The following PLXNA4 variants were observed in gnomAD, a reference collection of about 807,000 sequenced individuals.
PLXNA4 encodes the protein plexin A4.
Under a neutral mutation model 191.8 loss-of-function variants are expected in PLXNA4, and 44 were observed. That is an observed-to-expected ratio of 0.23 (90% CI 0.18 to 0.29). The LOEUF is 0.29. Ranked by LOEUF, PLXNA4 falls within the 10% of genes least tolerant of loss-of-function variation. The pLI is 1.00. For missense variants in PLXNA4, 1,800 were observed against 2,488.8 expected (o/e 0.72, Z 5.89); for synonymous variants, 1,082 against 1,009.5 (o/e 1.07, Z -1.36).
rs536122575 is a variant in PLXNA4, at chr7:132,510,279, G to A, written c.-86-1500C>T. Among the ~76,000 whole-genome samples, 12 of 152,312 alleles carry A rather than the reference G, an allele frequency of 7.9e-5. No individual in the cohort carries two copies. The East Asian group carries it at 9.7e-4, about 12-fold the overall frequency. ...GAAAATTCCCCAGCAGGGAGCAAAC[G>A]CTAGGTCAGATGGAAACCAAGAGAA... On this transcript the variant is annotated intron_variant, in intron 1 of 31. Coordinates refer to ENST00000321063, the MANE Select transcript of PLXNA4 (RefSeq NM_020911.2).
intron 3 of PLXNA4, among the ~76,000 whole-genome samples, chr7:132,423,951 C>T (rs1447915638): frequency 3.3e-5 from 5 of 152,186 alleles, no homozygotes; most frequent in Non-Finnish European, 5.9e-5. Context: ...TTGAACCAGG[C>T]GGGGCTGCAT....
At chr7:132,235,215 G>A (rs1798658569) in intron 5 of PLXNA4, among the ~76,000 whole-genome samples, 1 of 152,212 alleles carries the variant, frequency 6.6e-6, no homozygotes, top group African/African-American at 2.4e-5. Context: ...CACAGTCGAG[G>A]CCCTTTGGGC....
chr7:132,641,896 C>T (rs1196896853), intron 2 of PLXNA4, among the ~76,000 whole-genome samples: 1 of 152,164 alleles, frequency 6.6e-6, no homozygotes, highest in African/African-American at 2.4e-5. Context: ...GGCTGTCCAG[C>T]CCACAGCATC....
chr7:132,544,533 T>TA (rs1198500678), intron 1 of PLXNA4, among the ~76,000 whole-genome samples: 4 of 151,876 alleles, frequency 2.6e-5, no homozygotes, highest in Non-Finnish European at 5.9e-5. Context: ...GAAATAGACT[T>TA]AAGTGTGCAG....
chr7:132,141,188 T>G (rs1339215634), intron 29 of PLXNA4, among the ~76,000 whole-genome samples: 3 of 152,182 alleles, frequency 2.0e-5, no homozygotes, highest in African/African-American at 7.2e-5. Context: ...CTAAGCCTGG[T>G]ACAAGAGCAT....
At chr7:132,143,214 G>C (rs926787634) in intron 29 of PLXNA4, among the ~76,000 whole-genome samples, 1 of 152,160 alleles carries the variant, frequency 6.6e-6, no homozygotes, top group African/African-American at 2.4e-5. Context: ...AAAATTCCCA[G>C]ACTGTGTCTT....
chr7:132,134,374 C>T (rs1358143714), intron 30 of PLXNA4, among the ~76,000 whole-genome samples: 3 of 152,154 alleles, frequency 2.0e-5, no homozygotes, highest in Non-Finnish European at 2.9e-5. Flanking sequence ...TGAAGACTGG[C>T]AGAGATGGTT....
chr7:132,512,025 C>A (rs1798732367), intron 1 of PLXNA4, among the ~76,000 whole-genome samples: 1 of 152,204 alleles, frequency 6.6e-6, no homozygotes, highest in Admixed American at 6.5e-5. Context: ...TGAATTCACT[C>A]CAGCAGCTGC....
chr7:132,243,972 G>T (rs1360827355), intron 4 of PLXNA4, among the ~76,000 whole-genome samples: 1 of 151,844 alleles, frequency 6.6e-6, no homozygotes, highest in African/African-American at 2.4e-5. Flanking sequence ...GCCATTCATT[G>T]CTCCACACTT....
intron 3 of PLXNA4, among the ~76,000 whole-genome samples, chr7:132,437,777 CAT>C (rs1795532712): frequency 6.6e-6 from 1 of 152,146 alleles, no homozygotes; most frequent in African/African-American, 2.4e-5. Context: ...ACCACAGCAA[CAT>C]GAGTACACAC....
At chr7:132,179,345 G>A (rs113541749) in intron 20 of PLXNA4, among the ~76,000 whole-genome samples, 3,455 of 128,402 alleles carry the variant, frequency 0.027, 299 homozygotes, top group African/African-American at 0.11. Context: ...AGAGCCTCCA[G>A]CACTGCCCAC....
intron 3 of PLXNA4, among the ~76,000 whole-genome samples, chr7:132,341,315 C>CTT (rs1803017924): frequency 6.6e-6 from 1 of 152,040 alleles, no homozygotes; most frequent in African/African-American, 2.4e-5. Context: ...ACCAATTGTA[C>CTT]AGCACACTAT....
At chr7:132,234,612 G>GTGTA (rs1163073701) in intron 5 of PLXNA4, among the ~76,000 whole-genome samples, 1 of 151,684 alleles carries the variant, frequency 6.6e-6, no homozygotes, top group Non-Finnish European at 1.5e-5. Flanking sequence ...GTGTGTGTGT[G>GTGTA]TGTGTGTGTG....
chr7:132,433,396 G>A (rs1345247132), intron 3 of PLXNA4, among the ~76,000 whole-genome samples: 1 of 152,168 alleles, frequency 6.6e-6, no homozygotes, highest in Admixed American at 6.5e-5. Context: ...TTGCTCATTA[G>A]TGCCAAACAC....
At chr7:132,393,057 T>C (rs577531767) in intron 3 of PLXNA4, among the ~76,000 whole-genome samples, 30 of 152,226 alleles carry the variant, frequency 2.0e-4, no homozygotes, top group Non-Finnish European at 3.2e-4. Context: ...ATTACAGTTT[T>C]ATTATACCAA....
intron 2 of PLXNA4, among the ~76,000 whole-genome samples, chr7:132,640,276 A>G (rs1318307028): frequency 6.6e-6 from 1 of 152,188 alleles, no homozygotes; most frequent in East Asian, 1.9e-4. Context: ...ACAACCAAAG[A>G]AGTTATGGCT....
At chr7:132,181,735 A>C in intron 17 of PLXNA4, 115 bp from the exon 18 acceptor site, 1 of 1,478,474 alleles carries the variant, frequency 6.8e-7, no homozygotes, top group Non-Finnish European at 9.0e-7. Context: ...TGACAAGAGG[A>C]TTAGAGATGA....
intron 3 of PLXNA4, among the ~76,000 whole-genome samples, chr7:132,461,321 T>G (rs78036292): frequency 0.038 from 5,712 of 152,236 alleles, 153 homozygotes; most frequent in Non-Finnish European, 0.057. Context: ...AACCTCACTA[T>G]AAGAAGCAGG....
chr7:132,200,980 C>T (rs1021285802), intron 12 of PLXNA4, among the ~76,000 whole-genome samples: 13 of 152,220 alleles, frequency 8.5e-5, no homozygotes, highest in Admixed American at 3.9e-4. Context: ...GGGTGAAGTT[C>T]TAACCCCAGT....
Sources: allele counts gnomAD v4.1 joint callset (sites outside exome capture counted in the v4.1 genomes callset), GRCh38; gene constraint gnomAD v4.1.1; transcripts MANE v1.5; gene names NCBI Gene and HGNC (gene_info 2026-07-23, HGNC 2026-07-21).